Variants in CFAP299 observed in about 807,000 individuals in gnomAD.
The protein encoded by CFAP299 is cilia- and flagella-associated protein 299.
In CFAP299, 21 loss-of-function variants were observed where a neutral mutation model predicts 27.0. That is an observed-to-expected ratio of 0.78 (90% CI 0.55 to 1.12). The LOEUF (loss-of-function observed/expected upper bound fraction) is 1.12. Ranked by LOEUF, CFAP299 falls within the 50% of genes most tolerant of loss-of-function variation. The pLI is 0.00. For synonymous variants in CFAP299, 104 were observed against 98.1 expected (o/e 1.06, Z -0.36); for missense variants, 310 against 276.6 (o/e 1.12, Z -0.86).
chr4:80,616,208 G>C (rs1190620501), intron 3 of CFAP299, among the ~76,000 whole-genome samples: 3 of 152,068 alleles, frequency 2.0e-5, no homozygotes, highest in Non-Finnish European at 4.4e-5. Flanking sequence ...ACTGGAAGCA[G>C]GCCCATGTGA....
chr4:80,619,251 G>A (rs916201693), intron 3 of CFAP299, among the ~76,000 whole-genome samples: 2 of 136,290 alleles, frequency 1.5e-5, no homozygotes, highest in African/African-American at 3.5e-5. Context: ...GGAATGTCAT[G>A]TATCAAAACT....
At chr4:80,873,016 TG>T (rs1198801992) in intron 4 of CFAP299, 1 of 982,474 alleles carries the variant, frequency 1.0e-6, no homozygotes, top group East Asian at 1.1e-4. Context: ...TTTGTGCTTT[TG>T]TATTTTGTTT....
chr4:80,438,864 T>C (rs1374225484), intron 2 of CFAP299, among the ~76,000 whole-genome samples: 1 of 152,236 alleles, frequency 6.6e-6, no homozygotes, highest in East Asian at 1.9e-4. Flanking sequence ...AAATATTTTA[T>C]GCTCCTCAGT....
At chr4:80,414,081 T>C (rs1376052928) in intron 2 of CFAP299, among the ~76,000 whole-genome samples, 3 of 148,160 alleles carry the variant, frequency 2.0e-5, no homozygotes, top group Admixed American at 2.0e-4. Flanking sequence ...TTTTTTTTTT[T>C]TTTTTTTGAG....
chr4:80,458,357 T>C lies in CFAP299; in HGVS notation c.242+95473T>C, dbSNP rs545262604. ...GCGGCGCATGCCAAATGCCAGCTAC[T>C]GGACTACAGGCTGGAGTGCCTTTTT... On this transcript the variant is annotated intron_variant, in intron 2 of 5. Transcript: ENST00000358105. Among the ~76,000 whole-genome samples, 7 of 152,338 alleles carry C rather than the reference T, an allele frequency of 4.6e-5. No homozygotes were observed. The South Asian group carries it at 1.2e-3, about 27-fold the overall frequency.
intron 2 of CFAP299, among the ~76,000 whole-genome samples, chr4:80,550,760 AAC>A (rs10561056): frequency 0.23 from 34,723 of 148,352 alleles, 5,199 homozygotes; most frequent in African/African-American, 0.43. Context: ...ATTAACTCAA[AAC>A]ACACACACAC....
At chr4:80,419,546 G>T (rs1357844612) in intron 2 of CFAP299, among the ~76,000 whole-genome samples, 9 of 152,132 alleles carry the variant, frequency 5.9e-5, no homozygotes, top group Admixed American at 5.9e-4. Flanking sequence ...TTATGATCAG[G>T]TTTTTTCTAC....
intron 2 of CFAP299, among the ~76,000 whole-genome samples, chr4:80,517,582 G>C (rs912864964): frequency 6.6e-6 from 1 of 152,190 alleles, no homozygotes; most frequent in Non-Finnish European, 1.5e-5. Flanking sequence ...GATGTAGCCA[G>C]AGATTTGAGA....
At chr4:80,421,909 A>G (rs75371707) in intron 2 of CFAP299, among the ~76,000 whole-genome samples, 2,410 of 152,336 alleles carry the variant, frequency 0.016, 61 homozygotes, top group African/African-American at 0.04. Flanking sequence ...TTCTATAAGT[A>G]AATTAATTTT....
At chr4:80,443,091 G>T (rs1049325360) in intron 2 of CFAP299, among the ~76,000 whole-genome samples, 3 of 152,100 alleles carry the variant, frequency 2.0e-5, no homozygotes, top group Admixed American at 2.0e-4. Flanking sequence ...ATTCACAGCC[G>T]AATTCTCCCA....
chr4:80,646,015 T>A (rs1004862656), intron 3 of CFAP299, among the ~76,000 whole-genome samples: 3 of 152,190 alleles, frequency 2.0e-5, no homozygotes, highest in Admixed American at 2.0e-4. Flanking sequence ...TGTGGTTTTT[T>A]CCACTGTTAG....
At chr4:80,683,415 T>G (rs1004009284) in intron 3 of CFAP299, among the ~76,000 whole-genome samples, 1 of 152,214 alleles carries the variant, frequency 6.6e-6, no homozygotes, top group Admixed American at 6.5e-5. Flanking sequence ...TCTAATATTT[T>G]CTTATTCTGT....
At chr4:80,860,485 TG>T (rs1249582962) in intron 3 of CFAP299, among the ~76,000 whole-genome samples, 1 of 152,238 alleles carries the variant, frequency 6.6e-6, no homozygotes, top group African/African-American at 2.4e-5. Context: ...AGAAGTGCTC[TG>T]CTTTGTAGAG....
rs562358723 is a variant in CFAP299, at chr4:80,831,265, C to T, written c.334-38728C>T. Among the ~76,000 whole-genome samples the T allele has an allele frequency of 2.5e-4, 38 of 152,192 alleles. 1 individual carries two copies. Among genetic ancestry groups the T allele is most frequent in the African/African-American group, 8.4e-4 (35 of 41,532 alleles). ...ACCTAAATATTAAAAATTTTACTGT[C>T]TCTCAAGTTAAATAGATCAGTGAAT... On this transcript the variant is annotated intron_variant, in intron 3 of 5. Coordinates refer to ENST00000358105, the MANE Select transcript of CFAP299 (RefSeq NM_152770.3).
chr4:80,535,753 T>C (rs1276909688), intron 2 of CFAP299, among the ~76,000 whole-genome samples: 1 of 152,170 alleles, frequency 6.6e-6, no homozygotes, highest in Admixed American at 6.5e-5. Flanking sequence ...TGCTCATGCC[T>C]TAGGCAATTA....
intron 3 of CFAP299, among the ~76,000 whole-genome samples, chr4:80,732,541 A>G (rs1723599144): frequency 6.6e-6 from 1 of 152,138 alleles, no homozygotes. Flanking sequence ...ATTTTTCCCA[A>G]TTTGGCTTTT....
intron 3 of CFAP299, among the ~76,000 whole-genome samples, chr4:80,847,218 C>G (rs1307635970): frequency 6.6e-6 from 1 of 152,196 alleles, no homozygotes; most frequent in African/African-American, 2.4e-5. Context: ...CCCAGGAAGG[C>G]TGCTTCCATT....
intron 2 of CFAP299, among the ~76,000 whole-genome samples, chr4:80,492,774 C>T (rs562556442): frequency 6.6e-6 from 1 of 152,066 alleles, no homozygotes; most frequent in African/African-American, 2.4e-5. Flanking sequence ...GGGCAAAGGC[C>T]TTTATCATGG....
chr4:80,509,152 T>G (rs1187661413), intron 2 of CFAP299, among the ~76,000 whole-genome samples: 1 of 152,190 alleles, frequency 6.6e-6, no homozygotes, highest in Non-Finnish European at 1.5e-5. Context: ...TGCCTAACTA[T>G]AGCTCTTATA....
Sources: gnomAD v4.1 joint callset for allele counts (sites outside exome capture counted in the v4.1 genomes callset) on GRCh38, gnomAD v4.1.1 for gene constraint, MANE v1.5 for transcripts, NCBI Gene and HGNC (gene_info 2026-07-23, HGNC 2026-07-21) for gene names.